The following SIM1 variants were observed in gnomAD, a reference collection of about 807,000 sequenced individuals.
SIM1 encodes single-minded homolog 1.
A neutral mutation model predicts 78.2 loss-of-function variants in SIM1; 18 were observed. The observed-to-expected ratio is 0.23, with a 90% CI of 0.16 to 0.34. The LOEUF (loss-of-function observed/expected upper bound fraction) is 0.34. SIM1 is among the 10% of genes least tolerant of loss of function. The pLI is 1.00. For missense variants in SIM1, 939 were observed against 975.1 expected (o/e 0.96, Z 0.49); for synonymous variants, 417 against 385.2 (o/e 1.08, Z -0.97).
Position 100,389,370 on chromosome 6 carries a change from A to AACACTGCTGTCATGTGGCACTTC in SIM1, c.*968_*990dup. ...TGCTTTGAAACGTTTTCAAACACTT[A>AACACTGCTGTCATGTGGCACTTC]ACACTGCTGTCATGTGGCACTTCAC... On this transcript the variant is annotated 3_prime_UTR_variant, in exon 12 of 12. Transcript: ENST00000369208. 1 of 372,608 alleles carries AACACTGCTGTCATGTGGCACTTC rather than the reference A, an allele frequency of 2.7e-6. No homozygotes were observed. The highest frequency in any genetic ancestry group is 4.8e-6 in the Non-Finnish European group (1 of 209,938). The allele number at this position is 372,608 out of a possible 1,614,324, so 23.1% of individuals were successfully genotyped here. A position where few individuals can be genotyped will look rare whatever the true frequency, so the allele number is the denominator to read the frequency against.
intron 10 of SIM1, among the ~76,000 whole-genome samples, chr6:100,417,211 A>G (rs1771426457): frequency 6.6e-6 from 1 of 152,128 alleles, no homozygotes; most frequent in African/African-American, 2.4e-5. Context: ...TCTACCCTCG[A>G]CGCTAGGTCT....
At chr6:100,425,942 A>G (rs1317681741) in intron 9 of SIM1, among the ~76,000 whole-genome samples, 1 of 152,212 alleles carries the variant, frequency 6.6e-6, no homozygotes, top group African/African-American at 2.4e-5. Flanking sequence ...GAAGGACAGC[A>G]CTGCTCTCCT....
intron 9 of SIM1, 38 bp downstream of exon 9, chr6:100,447,230 G>C: frequency 6.2e-7 from 1 of 1,601,986 alleles, no homozygotes; most frequent in Non-Finnish European, 8.5e-7. Flanking sequence ...GAGCAGGGTC[G>C]CCTGGGGTGG....
intron 9 of SIM1, among the ~76,000 whole-genome samples, chr6:100,423,929 G>A (rs1472574861): frequency 1.3e-5 from 2 of 152,098 alleles, no homozygotes; most frequent in African/African-American, 2.4e-5. Context: ...AGTAAGAATT[G>A]TGCACCCATG....
intron 10 of SIM1, among the ~76,000 whole-genome samples, chr6:100,408,806 G>T (rs879777111): frequency 6.6e-6 from 1 of 152,028 alleles, no homozygotes; most frequent in Non-Finnish European, 1.5e-5. Flanking sequence ...GTTCAATTTT[G>T]TTTGCTAGTA....
chr6:100,426,835 T>C (rs1463300063), intron 9 of SIM1, among the ~76,000 whole-genome samples: 7 of 152,220 alleles, frequency 4.6e-5, no homozygotes, highest in Admixed American at 1.3e-4. Flanking sequence ...AATCTGGAGT[T>C]CTTTGTTGGC....
intron 2 of SIM1, among the ~76,000 whole-genome samples, chr6:100,459,871 T>G (rs1772791125): frequency 6.6e-6 from 1 of 152,248 alleles, no homozygotes; most frequent in South Asian, 2.1e-4. Flanking sequence ...TATGTCTTTC[T>G]AGTTGAATTT....
At chr6:100,444,921 A>C (rs1412753437) in intron 9 of SIM1, among the ~76,000 whole-genome samples, 2 of 152,154 alleles carry the variant, frequency 1.3e-5, no homozygotes, top group South Asian at 4.1e-4. Context: ...AAACGTTTAA[A>C]TTTGAAAAAC....
intron 3 of SIM1, 107 bp from the exon 4 acceptor site, chr6:100,450,463 G>A (rs1048030843): frequency 1.6e-5 from 15 of 929,404 alleles, no homozygotes; most frequent in Non-Finnish European, 2.6e-5. Flanking sequence ...TAGAGAGATG[G>A]AGTGGAGCAG....
chr6:100,449,524 C>T, intron 5 of SIM1, 67 bp downstream of exon 5: 1 of 1,583,800 alleles, frequency 6.3e-7, no homozygotes, highest in Non-Finnish European at 8.7e-7. Flanking sequence ...TCTGCCACGA[C>T]TAATTGGGGA....
chr6:100,415,041 A>G (rs753931194), intron 10 of SIM1, among the ~76,000 whole-genome samples: 6 of 152,220 alleles, frequency 3.9e-5, no homozygotes, highest in Non-Finnish European at 7.3e-5. Flanking sequence ...GTTACTACTG[A>G]ATTATATAGT....
rs1772903951 is a variant in SIM1, at chr6:100,463,367, G to C, written c.102C>G (p.Thr34=). 6.2e-7 allele frequency: 1 copy of C among 1,613,942 alleles called. No individual in the cohort carries two copies. The highest frequency in any genetic ancestry group is 1.7e-5 in the Admixed American group (1 of 60,004). ...TTATGGATGCTTTGTCCAGCTGCGAGGTGATAGCCGAGGGCAAAGGCAGTA... is the reference window on the plus strand; with the variant it reads ...TTATGGATGCTTTGTCCAGCTGCGACGTGATAGCCGAGGGCAAAGGCAGTA... The part of the protein sequence containing the change: ...AKLLPLPSAI[T]SQLDKASIIR... The change falls in exon 2 of 12, where the codon ACC becomes ACG. Residue 34 remains threonine, a synonymous_variant. Coordinates refer to ENST00000369208, the MANE Select transcript of SIM1 (RefSeq NM_005068.3).
At chr6:100,457,582 C>A (rs1316285913) in intron 2 of SIM1, among the ~76,000 whole-genome samples, 2 of 152,374 alleles carry the variant, frequency 1.3e-5, no homozygotes, top group South Asian at 2.1e-4. Flanking sequence ...GCTGAGGCGT[C>A]GAGTGGCCTT....
chr6:100,402,735 G>C (rs961949709), intron 10 of SIM1, among the ~76,000 whole-genome samples: 1 of 151,790 alleles, frequency 6.6e-6, no homozygotes. Context: ...CCGCCACCAC[G>C]CCTGGCTAAT....
In SIM1 at chr6:100,407,530, C is replaced by A. The variant is rs201183381; in HGVS notation, c.1167+13260G>T. On this transcript the variant is annotated intron_variant, in intron 10 of 11. Coordinates refer to ENST00000369208, the MANE Select transcript of SIM1 (RefSeq NM_005068.3). ...TTAATTTTTTGAAGAACTTTCATAC[C>A]ATTTTACATAATGGCTGTACCAATT... Among the ~76,000 whole-genome samples the A allele has an allele frequency of 1.6e-4, 25 of 152,074 alleles. No individual in the cohort carries two copies. In the East Asian group the frequency reaches 4.8e-3, roughly 29 times the overall value.
intron 2 of SIM1, among the ~76,000 whole-genome samples, chr6:100,458,786 C>G (rs7755091): frequency 6.6e-6 from 1 of 152,166 alleles, no homozygotes; most frequent in African/African-American, 2.4e-5. Flanking sequence ...GCGCAGGAAC[C>G]GCCTATTCGG....
chr6:100,397,345 C>T (rs1165241698), intron 10 of SIM1, among the ~76,000 whole-genome samples: 2 of 152,186 alleles, frequency 1.3e-5, no homozygotes, highest in Non-Finnish European at 2.9e-5. Flanking sequence ...ATGACCCATA[C>T]TATCAGCATT....
At chr6:100,401,874 T>C (rs1235304115) in intron 10 of SIM1, among the ~76,000 whole-genome samples, 1 of 152,236 alleles carries the variant, frequency 6.6e-6, no homozygotes, top group Non-Finnish European at 1.5e-5. Context: ...TTTGTTTTTA[T>C]TTCTGACTGT....
chr6:100,409,876 T>G (rs1258052016), intron 10 of SIM1, among the ~76,000 whole-genome samples: 1 of 152,200 alleles, frequency 6.6e-6, no homozygotes, highest in African/African-American at 2.4e-5. Flanking sequence ...CATACAACTT[T>G]TGTCAGAAAA....
Sources: allele counts gnomAD v4.1 joint callset (sites outside exome capture counted in the v4.1 genomes callset), GRCh38; gene constraint gnomAD v4.1.1; transcripts MANE v1.5; gene names NCBI Gene and HGNC (gene_info 2026-07-23, HGNC 2026-07-21).